FSTL5: variants seen among roughly 807,000 people sequenced by gnomAD.
FSTL5 encodes the protein follistatin-related protein 5.
Under a neutral mutation model 89.1 loss-of-function variants are expected in FSTL5, and 62 were observed. The ratio of observed to expected loss-of-function variants is 0.70; its 90% CI spans 0.57 to 0.86. The LOEUF is 0.86. FSTL5 is among the 40% of genes least tolerant of loss of function. The pLI is 0.00. For missense variants in FSTL5, 1,057 were observed against 1,001.6 expected, an observed-to-expected ratio of 1.06 and a Z score of -0.75; for synonymous variants, 383 against 346.2, an observed-to-expected ratio of 1.11 and a Z score of -1.18.
chr4:161,936,768 C>A (rs761202065), intron 3 of FSTL5, among the ~76,000 whole-genome samples: 1 of 152,062 alleles, frequency 6.6e-6, no homozygotes, highest in African/African-American at 2.4e-5. Flanking sequence ...TGGAGAGTAC[C>A]GCAAGCTGAA....
intron 3 of FSTL5, among the ~76,000 whole-genome samples, chr4:161,994,333 T>G (rs905884969): frequency 1.3e-5 from 2 of 152,322 alleles, no homozygotes; most frequent in Middle Eastern, 3.4e-3. Context: ...CTATTGTGAA[T>G]AGTGCTGCAA....
intron 4 of FSTL5, among the ~76,000 whole-genome samples, chr4:161,794,455 G>T (rs1186628400): frequency 6.6e-6 from 1 of 152,168 alleles, no homozygotes; most frequent in African/African-American, 2.4e-5. Flanking sequence ...CTTATTGTTT[G>T]TGCATATTAA....
intron 4 of FSTL5, among the ~76,000 whole-genome samples, chr4:161,872,806 C>A (rs1006499412): frequency 3.3e-5 from 5 of 151,874 alleles, no homozygotes; most frequent in African/African-American, 1.2e-4. Context: ...AACTGAGGAA[C>A]AAAAACTATA....
Position 161,385,609 on chromosome 4 carries a change from A to T in FSTL5, c.*138T>A. The T allele has an allele frequency of 1.6e-6, 1 of 627,126 alleles. No individual in the cohort carries two copies. The highest frequency in any genetic ancestry group is 2.7e-6 in the Non-Finnish European group (1 of 364,210). 38.8% of individuals were successfully genotyped at this position (627,126 alleles called of 1,614,324 possible). A position where few individuals can be genotyped will look rare whatever the true frequency, so the allele number is the denominator to read the frequency against. ...TGTCTTAGTCACTTAGTCAAAAACAATTTATTTTATTTGGACCAACCAAGT... is the reference window on the plus strand; with the variant it reads ...TGTCTTAGTCACTTAGTCAAAAACATTTTATTTTATTTGGACCAACCAAGT... On this transcript the variant is annotated 3_prime_UTR_variant, in exon 16 of 16. Coordinates refer to ENST00000306100, the MANE Select transcript of FSTL5 (RefSeq NM_020116.5).
intron 6 of FSTL5, among the ~76,000 whole-genome samples, chr4:161,672,249 T>C (rs1217459737): frequency 6.6e-6 from 1 of 152,118 alleles, no homozygotes; most frequent in Non-Finnish European, 1.5e-5. Context: ...TCCCAGAGTA[T>C]TTAGTTTACA....
chr4:161,871,858 T>G (rs1732272615), intron 4 of FSTL5, among the ~76,000 whole-genome samples: 1 of 152,184 alleles, frequency 6.6e-6, no homozygotes, highest in Non-Finnish European at 1.5e-5. Flanking sequence ...ATAATTATAG[T>G]GTCTATCTCA....
intron 15 of FSTL5, among the ~76,000 whole-genome samples, chr4:161,404,850 A>T (rs1045921091): frequency 2.0e-5 from 3 of 152,062 alleles, no homozygotes; most frequent in African/African-American, 7.2e-5. Flanking sequence ...GTCGGACCAC[A>T]CCCAGAAAAA....
chr4:161,912,037 A>G (rs1459295846), intron 4 of FSTL5, among the ~76,000 whole-genome samples: 1 of 152,222 alleles, frequency 6.6e-6, no homozygotes, highest in Admixed American at 6.5e-5. Flanking sequence ...AGTGAAATAT[A>G]AATCAGACTA....
intron 8 of FSTL5, among the ~76,000 whole-genome samples, chr4:161,545,418 T>C (rs1347705190): frequency 6.8e-6 from 1 of 146,888 alleles, no homozygotes. Flanking sequence ...CTTTTAGCCA[T>C]TAATTAATTC....
At chr4:161,610,202 T>G (rs1288410352) in intron 7 of FSTL5, among the ~76,000 whole-genome samples, 2 of 151,964 alleles carry the variant, frequency 1.3e-5, no homozygotes, top group African/African-American at 4.8e-5. Context: ...AAATTGAAGG[T>G]TGGCTTTACT....
At position 162,163,461 on chromosome 4, in the gene FSTL5, A is replaced by AT. The variant is rs1314969369; in HGVS notation, c.-17+153dup. Among the ~76,000 whole-genome samples the AT allele has an allele frequency of 1.4e-3, 135 of 96,660 alleles. 1 individual carries two copies. Among genetic ancestry groups the AT allele is most frequent in the Middle Eastern group, 6.1e-3 (1 of 164 alleles). 63.4% of individuals were successfully genotyped at this position (96,660 alleles called of 152,430 possible). A position where few individuals can be genotyped will look rare whatever the true frequency, so the allele number is the denominator to read the frequency against. On this transcript the variant is annotated intron_variant, in intron 1 of 15. Coordinates refer to ENST00000306100, the MANE Select transcript of FSTL5 (RefSeq NM_020116.5). ...TGTAATAATAATAATAATAATAATA[A>AT]TAATAATAGTAATTATTAAAATATT...
intron 10 of FSTL5, among the ~76,000 whole-genome samples, chr4:161,537,835 G>T (rs1731678048): frequency 6.6e-6 from 1 of 152,016 alleles, no homozygotes; most frequent in African/African-American, 2.4e-5. Context: ...TACATTTGGG[G>T]GCCTTGAATT....
chr4:161,933,044 G>A (rs1008183495), intron 3 of FSTL5, among the ~76,000 whole-genome samples: 2 of 152,012 alleles, frequency 1.3e-5, no homozygotes, highest in Admixed American at 6.6e-5. Flanking sequence ...CTCTACACTT[G>A]CTTTTATATC....
intron 2 of FSTL5, among the ~76,000 whole-genome samples, chr4:162,043,609 A>G (rs1380517709): frequency 6.6e-6 from 1 of 152,140 alleles, no homozygotes; most frequent in Non-Finnish European, 1.5e-5. Context: ...TGCTGCATTG[A>G]TTAATTCTTT....
intron 8 of FSTL5, among the ~76,000 whole-genome samples, chr4:161,561,405 T>G (rs1732596763): frequency 1.3e-5 from 2 of 151,886 alleles, no homozygotes; most frequent in African/African-American, 4.8e-5. Flanking sequence ...AATAGGTAAA[T>G]CCACAGAAAG....
At chr4:161,716,563 C>T (rs1738991038) in intron 6 of FSTL5, among the ~76,000 whole-genome samples, 2 of 152,026 alleles carry the variant, frequency 1.3e-5, no homozygotes. Context: ...TGCCACTGCA[C>T]TCCAGCCTGG....
chr4:161,641,830 C>T (rs1660705227), intron 7 of FSTL5, among the ~76,000 whole-genome samples: 1 of 151,866 alleles, frequency 6.6e-6, no homozygotes, highest in Non-Finnish European at 1.5e-5. Flanking sequence ...AAATGGACTT[C>T]CTATGGTATC....
At chr4:161,868,728 T>C (rs927900538) in intron 4 of FSTL5, among the ~76,000 whole-genome samples, 1 of 152,194 alleles carries the variant, frequency 6.6e-6, no homozygotes, top group Non-Finnish European at 1.5e-5. Flanking sequence ...TGCTACATTA[T>C]CTCACAGTTT....
chr4:162,142,437 T>C (rs949397542), intron 1 of FSTL5, among the ~76,000 whole-genome samples: 4 of 152,016 alleles, frequency 2.6e-5, no homozygotes, highest in Non-Finnish European at 5.9e-5. Context: ...AAAGAATATA[T>C]AGAGAGAAAT....
Sources: allele counts gnomAD v4.1 joint callset (sites outside exome capture counted in the v4.1 genomes callset), GRCh38; gene constraint gnomAD v4.1.1; transcripts MANE v1.5; gene names NCBI Gene and HGNC (gene_info 2026-07-23, HGNC 2026-07-21).